ZNF385D: variants seen among roughly 807,000 people sequenced by gnomAD.
The protein encoded by ZNF385D is zinc finger protein 385D.
In ZNF385D, 15 loss-of-function variants were observed where a neutral mutation model predicts 35.8. The observed-to-expected ratio is 0.42, with a 90% CI of 0.28 to 0.64. ZNF385D has a LOEUF of 0.64. Among genes scored for constraint, ZNF385D ranks in the 30% least tolerant of loss-of-function variants. The pLI, the probability that ZNF385D is intolerant of heterozygous loss-of-function variation, is 0.23. For synonymous variants in ZNF385D, 212 were observed against 186.8 expected, an observed-to-expected ratio of 1.13 and a Z score of -1.10; for missense variants, 474 against 494.6, an observed-to-expected ratio of 0.96 and a Z score of 0.39.
chr3:22,019,493 T>A (rs1697098396), intron 3 of ZNF385D, among the ~76,000 whole-genome samples: 1 of 151,952 alleles, frequency 6.6e-6, no homozygotes, highest in Admixed American at 6.6e-5. Context: ...TAATTGAATT[T>A]GTGGTTTATT....
chr3:22,041,756 G>A (rs982476793), intron 3 of ZNF385D, among the ~76,000 whole-genome samples: 4 of 152,078 alleles, frequency 2.6e-5, no homozygotes, highest in Non-Finnish European at 5.9e-5. Context: ...AGATACTGAA[G>A]AGCTGGTGTC....
At chr3:21,794,720 T>C (rs1308199655) in intron 3 of ZNF385D, among the ~76,000 whole-genome samples, 2 of 152,086 alleles carry the variant, frequency 1.3e-5, no homozygotes, top group Non-Finnish European at 2.9e-5. Flanking sequence ...ATTTTAATAA[T>C]GGTAAATTTT....
chr3:21,665,706 A>C (rs1170215487), intron 1 of ZNF385D, among the ~76,000 whole-genome samples: 1 of 152,146 alleles, frequency 6.6e-6, no homozygotes, highest in Non-Finnish European at 1.5e-5. Flanking sequence ...GGCAGTGGGA[A>C]TATTATGCCA....
chr3:21,608,012 C>CTTTTTTTTTTTTTTTTT (rs368555930), intron 2 of ZNF385D, among the ~76,000 whole-genome samples: 28 of 123,970 alleles, frequency 2.3e-4, no homozygotes, highest in African/African-American at 8.4e-4. Context: ...TCTTTTTCTT[C>CTTTTTTTTTTTTTTTTT]TTTTTTTTTT....
chr3:21,802,560 A>C (rs1393428778), intron 3 of ZNF385D, among the ~76,000 whole-genome samples: 1 of 152,058 alleles, frequency 6.6e-6, no homozygotes, highest in Non-Finnish European at 1.5e-5. Flanking sequence ...GATTTAAAAA[A>C]AAATAGCATC....
intron 3 of ZNF385D, among the ~76,000 whole-genome samples, chr3:22,041,737 T>C (rs1370960114): frequency 6.6e-6 from 1 of 152,024 alleles, no homozygotes; most frequent in Non-Finnish European, 1.5e-5. Flanking sequence ...AGAAACTACA[T>C]TATAAGAGAG....
At chr3:22,023,064 A>G (rs1306651054) in intron 3 of ZNF385D, among the ~76,000 whole-genome samples, 1 of 152,194 alleles carries the variant, frequency 6.6e-6, no homozygotes, top group Non-Finnish European at 1.5e-5. Context: ...GCTCTTCGCA[A>G]GTGTTTCCTC....
At chr3:22,039,481 T>G (rs1698535450) in intron 3 of ZNF385D, among the ~76,000 whole-genome samples, 1 of 152,044 alleles carries the variant, frequency 6.6e-6, no homozygotes, top group Non-Finnish European at 1.5e-5. Context: ...CCAGCCAAAT[T>G]TTTCATCATT....
chr3:22,200,172 T>C (rs1431515259), intron 2 of ZNF385D, among the ~76,000 whole-genome samples: 1 of 151,974 alleles, frequency 6.6e-6, no homozygotes, highest in Admixed American at 6.6e-5. Flanking sequence ...GATTAGGAAA[T>C]TAATAGAGGG....
intron 3 of ZNF385D, among the ~76,000 whole-genome samples, chr3:22,049,967 TA>T (rs1442748371): frequency 6.6e-6 from 1 of 152,190 alleles, no homozygotes; most frequent in Non-Finnish European, 1.5e-5. Context: ...TCTTTCCTTG[TA>T]AAATGCTTGT....
At chr3:21,689,272 C>T (rs2067206984) in intron 1 of ZNF385D, among the ~76,000 whole-genome samples, 1 of 152,006 alleles carries the variant, frequency 6.6e-6, no homozygotes, top group Non-Finnish European at 1.5e-5. Flanking sequence ...TTGCTGTTTA[C>T]CTTGTGCATC....
chr3:21,752,758 T>C (rs2070163677), upstream of ZNF385D, among the ~76,000 whole-genome samples: 1 of 152,186 alleles, frequency 6.6e-6, no homozygotes, highest in Admixed American at 6.5e-5. Context: ...ATTAACTTTT[T>C]TACTCCCTTT....
intron 3 of ZNF385D, among the ~76,000 whole-genome samples, chr3:22,037,118 G>A (rs1439318100): frequency 4.0e-5 from 6 of 151,894 alleles, no homozygotes; most frequent in African/African-American, 7.3e-5. Context: ...TCGTTGTTGG[G>A]TATTTGGGTT....
chr3:21,740,637 T>C (rs1299435756), intron 1 of ZNF385D, among the ~76,000 whole-genome samples: 2 of 152,138 alleles, frequency 1.3e-5, no homozygotes, highest in African/African-American at 4.8e-5. Flanking sequence ...CGTCATGCCA[T>C]ACACTGATTT....
upstream of ZNF385D, among the ~76,000 whole-genome samples, chr3:21,753,767 GTT>G (rs2070211990): frequency 5.3e-5 from 2 of 38,004 alleles, no homozygotes; most frequent in Admixed American, 4.6e-4. Flanking sequence ...AACTTTGGTG[GTT>G]GTTGTTGTTG....
intron 2 of ZNF385D, among the ~76,000 whole-genome samples, chr3:22,365,545 T>C (rs1696618611): frequency 6.6e-6 from 1 of 152,110 alleles, no homozygotes; most frequent in South Asian, 2.1e-4. Context: ...TTCACAAACA[T>C]ACTGTACAGA....
At chr3:22,328,293 T>C (rs1694769208) in intron 2 of ZNF385D, among the ~76,000 whole-genome samples, 1 of 152,156 alleles carries the variant, frequency 6.6e-6, no homozygotes, top group South Asian at 2.1e-4. Flanking sequence ...GTGAAAGCTG[T>C]ATGTTACATT....
chr3:21,569,397 T>G (rs1462598871), intron 2 of ZNF385D, among the ~76,000 whole-genome samples: 2 of 150,604 alleles, frequency 1.3e-5, no homozygotes, highest in Admixed American at 6.6e-5. Flanking sequence ...CTGCCTTTTT[T>G]TGTTTTCCAT....
intron 2 of ZNF385D, among the ~76,000 whole-genome samples, chr3:21,565,956 T>C (rs1559412338): frequency 6.6e-6 from 1 of 152,202 alleles, no homozygotes; most frequent in Non-Finnish European, 1.5e-5. Flanking sequence ...TCATCTCCTT[T>C]TGTGTTTCTC....
Sources: gnomAD v4.1 joint callset for allele counts (sites outside exome capture counted in the v4.1 genomes callset) on GRCh38, gnomAD v4.1.1 for gene constraint, MANE v1.5 for transcripts, NCBI Gene and HGNC (gene_info 2026-07-23, HGNC 2026-07-21) for gene names.